AGBL1: variants seen among roughly 807,000 people sequenced by gnomAD.
AGBL1 encodes the protein cytosolic carboxypeptidase 4.
In AGBL1, 130 loss-of-function variants were observed where a neutral mutation model predicts 118.9. The observed-to-expected ratio is 1.09, with a 90% CI of 0.95 to 1.26. AGBL1 has a LOEUF of 1.26. Ranked by LOEUF, AGBL1 falls within the 50% of genes most tolerant of loss-of-function variation. The pLI is 0.00. For synonymous variants in AGBL1, 555 were observed against 478.9 expected (o/e 1.16, Z -2.08); for missense variants, 1,584 against 1,298.1 (o/e 1.22, Z -3.38).
At chr15:86,817,931 T>A (rs1317720486) in intron 22 of AGBL1, among the ~76,000 whole-genome samples, 1 of 152,160 alleles carries the variant, frequency 6.6e-6, no homozygotes, top group Non-Finnish European at 1.5e-5. Flanking sequence ...GACAGTCATG[T>A]GACGATGGAG....
chr15:86,165,038 AC>A (rs2077318247), intron 5 of AGBL1, among the ~76,000 whole-genome samples: 1 of 152,124 alleles, frequency 6.6e-6, no homozygotes, highest in Non-Finnish European at 1.5e-5. Context: ...TTATCTCTTT[AC>A]CCTCAGGGTC....
chr15:86,925,799 C>T (rs981503084), intron 23 of AGBL1, among the ~76,000 whole-genome samples: 22 of 149,094 alleles, frequency 1.5e-4, no homozygotes, highest in African/African-American at 5.2e-4. Context: ...GGCGCCATCT[C>T]GGCTCACTGC....
chr15:86,277,772 G>A (rs921158347), intron 15 of AGBL1, among the ~76,000 whole-genome samples: 3 of 152,192 alleles, frequency 2.0e-5, no homozygotes, highest in Non-Finnish European at 2.9e-5. Context: ...ATTTGTAGGT[G>A]AAGAACTGGG....
chr15:86,974,567 A>G lies in AGBL1; in HGVS notation c.3222-13420A>G, dbSNP rs1158637733. Among the ~76,000 whole-genome samples the G allele has an allele frequency of 5.8e-5, 8 of 138,328 alleles. No individual in the cohort carries two copies. The East Asian group carries it at 1.0e-3, about 18-fold the overall frequency. 90.7% of individuals were successfully genotyped at this position (138,328 alleles called of 152,430 possible). ...ATTATATAATTATATAATATAAATT[A>G]TATATATTAAATATATAAAAATTAT... On this transcript the variant is annotated intron_variant, in intron 23 of 24. Coordinates refer to the AGBL1 transcript ENST00000441037.
chr15:86,854,564 C>A (rs950405936), intron 22 of AGBL1, among the ~76,000 whole-genome samples: 3 of 152,212 alleles, frequency 2.0e-5, no homozygotes, highest in Non-Finnish European at 4.4e-5. Context: ...GTTACATGCA[C>A]ACAACCTGAT....
At chr15:86,262,262 T>G (rs916276180) in intron 9 of AGBL1, among the ~76,000 whole-genome samples, 2 of 152,040 alleles carry the variant, frequency 1.3e-5, no homozygotes, top group Non-Finnish European at 2.9e-5. Context: ...CTTTCTTCTT[T>G]ACTGTTTTTC....
At chr15:86,347,072 G>A (rs548489045) in intron 17 of AGBL1, among the ~76,000 whole-genome samples, 1 of 152,148 alleles carries the variant, frequency 6.6e-6, no homozygotes, top group Non-Finnish European at 1.5e-5. Flanking sequence ...GACAGTAAAA[G>A]GTATATATTA....
intron 14 of AGBL1, 71 bp from the exon 15 acceptor site, chr15:86,271,548 G>A: frequency 4.3e-6 from 5 of 1,168,156 alleles, no homozygotes; most frequent in Middle Eastern, 1.9e-4. Flanking sequence ...CTATGTGTAT[G>A]TGGGGGTCAT....
chr15:86,855,450 T>C (rs1324175530), intron 22 of AGBL1, among the ~76,000 whole-genome samples: 1 of 152,160 alleles, frequency 6.6e-6, no homozygotes, highest in Non-Finnish European at 1.5e-5. Context: ...GGTTAAGCAA[T>C]CCAGCTATTT....
At chr15:86,309,723 T>C (rs62015572) in intron 17 of AGBL1, among the ~76,000 whole-genome samples, 5,721 of 152,312 alleles carry the variant, frequency 0.038, 142 homozygotes, top group Middle Eastern at 0.075. Flanking sequence ...CATTTATTGT[T>C]CATGTTTTGT....
rs555707100 is a variant in AGBL1 at position 86,275,636 on chromosome 15, A to G, written c.2075+3930A>G. Reference sequence around the variant, plus strand: ...TGCTCCTTGCTTCATTGAAGTCTTTATGATTATAAAAGTGCAGATCCTTCC... The same window carrying G: ...TGCTCCTTGCTTCATTGAAGTCTTTGTGATTATAAAAGTGCAGATCCTTCC... On this transcript the variant is annotated intron_variant, in intron 15 of 22. Transcript: ENST00000614907. Among the ~76,000 whole-genome samples, 137 of 152,320 alleles carry G rather than the reference A, an allele frequency of 9.0e-4. 1 individual carries two copies. In the Middle Eastern group the frequency reaches 0.01, roughly 11 times the overall value.
At chr15:87,003,801 T>G (rs1359647919) in intron 24 of AGBL1, among the ~76,000 whole-genome samples, 1 of 152,218 alleles carries the variant, frequency 6.6e-6, no homozygotes, top group African/African-American at 2.4e-5. Context: ...GTAGTTTGTA[T>G]TTCTGTGGGA....
chr15:86,933,264 A>T (rs1038728583), intron 23 of AGBL1, among the ~76,000 whole-genome samples: 1 of 152,046 alleles, frequency 6.6e-6, no homozygotes, highest in African/African-American at 2.4e-5. Context: ...CCATGGGAGG[A>T]CTTTAGTTTT....
At chr15:86,598,334 G>T (rs547466254) in intron 21 of AGBL1, among the ~76,000 whole-genome samples, 2 of 152,260 alleles carry the variant, frequency 1.3e-5, no homozygotes, top group Admixed American at 6.5e-5. Flanking sequence ...CACGTAAGAT[G>T]CTTTGGACCC....
chr15:86,904,396 A>T (rs969382885), intron 22 of AGBL1, among the ~76,000 whole-genome samples: 1 of 150,802 alleles, frequency 6.6e-6, no homozygotes, highest in African/African-American at 2.4e-5. Flanking sequence ...GGAAGAGGAA[A>T]AAGTAAAAAT....
intron 18 of AGBL1, among the ~76,000 whole-genome samples, chr15:86,445,035 G>A (rs1288225321): frequency 3.9e-5 from 6 of 152,152 alleles, no homozygotes; most frequent in African/African-American, 1.2e-4. Flanking sequence ...CGTTGTCTTT[G>A]CCTGTCTGAG....
chr15:86,570,847 C>A (rs554073312), intron 21 of AGBL1, among the ~76,000 whole-genome samples: 1 of 152,270 alleles, frequency 6.6e-6, no homozygotes, highest in African/African-American at 2.4e-5. Context: ...GGGCTTGTTC[C>A]GCTCACTCGA....
chr15:86,547,407 T>A (rs1239667876), intron 20 of AGBL1, among the ~76,000 whole-genome samples: 2 of 152,100 alleles, frequency 1.3e-5, no homozygotes, highest in South Asian at 2.1e-4. Flanking sequence ...TAATTCCCTA[T>A]ACACAGGAAA....
intron 22 of AGBL1, among the ~76,000 whole-genome samples, chr15:86,843,667 C>T (rs2079278740): frequency 6.6e-6 from 1 of 152,142 alleles, no homozygotes; most frequent in Non-Finnish European, 1.5e-5. Flanking sequence ...AGACTTGTAA[C>T]TGAATTTGAT....
Sources: allele counts gnomAD v4.1 joint callset (sites outside exome capture counted in the v4.1 genomes callset), GRCh38; gene constraint gnomAD v4.1.1; transcripts MANE v1.5; gene names NCBI Gene and HGNC (gene_info 2026-07-23, HGNC 2026-07-21).